Variants in SLA2 observed in about 807,000 individuals in gnomAD.
SLA2 encodes the protein Src like adaptor 2, also known as src-like-adapter 2.
SLA2 carries 22 observed loss-of-function variants against 27.3 expected under a neutral mutation model. That is an observed-to-expected ratio of 0.81 (90% CI 0.58 to 1.15). The LOEUF is 1.15. Among genes scored for constraint, SLA2 ranks in the 50% most tolerant of loss-of-function variants. The pLI is 0.00. For missense variants in SLA2, 304 were observed against 322.2 expected (o/e 0.94, Z 0.43); for synonymous variants, 131 against 137.8 (o/e 0.95, Z 0.34).
intron 2 of SLA2, among the ~76,000 whole-genome samples, chr20:36,639,171 G>A (rs1411129050): frequency 2.0e-5 from 3 of 152,182 alleles, no homozygotes; most frequent in African/African-American, 4.8e-5. Flanking sequence ...TCAGTAGAAC[G>A]AGTAATGCAG....
intron 5 of SLA2, among the ~76,000 whole-genome samples, chr20:36,625,369 C>T (rs1246350978): frequency 6.6e-6 from 1 of 151,962 alleles, no homozygotes; most frequent in East Asian, 1.9e-4. Context: ...ATTATAGGTA[C>T]CTGCCACCAT....
At chr20:36,615,127 T>G in intron 6 of SLA2, 98 bp downstream of exon 6, 1 of 1,566,732 alleles carries the variant, frequency 6.4e-7, no homozygotes, top group Non-Finnish European at 8.6e-7. Context: ...TCTGTCTGTC[T>G]GAATACTCCA....
rs552515145 is a variant in SLA2, at chr20:36,622,301, C to T, written c.383-6927G>A. Among the ~76,000 whole-genome samples the T allele has an allele frequency of 5.3e-5, 8 of 149,890 alleles. No homozygotes were observed. In the East Asian group the frequency reaches 5.9e-4, roughly 11 times the overall value. On this transcript the variant is annotated intron_variant, in intron 5 of 7. Coordinates refer to ENST00000262866, the MANE Select transcript of SLA2 (RefSeq NM_032214.4). ...CTGAGGCAGGAGTATCTCTTGAACC[C>T]GGGAAGCAGAGGTTGTGGTGACTCA...
rs774430071 is a variant in SLA2 at position 36,613,830 on chromosome 20, G to A, written c.*36C>T. ...GAGGCTGAATTGGGGTTCTAGGTGT[G>A]CAGCCTTGGTTTCCCTTTTGGCCTC... On this transcript the variant is annotated 3_prime_UTR_variant, in exon 8 of 8. Transcript: ENST00000262866. The A allele has an allele frequency of 6.5e-6, 10 of 1,536,734 alleles. 1 individual carries two copies. In the Admixed American group the frequency reaches 1.6e-4, roughly 25 times the overall value.
At chr20:36,639,090 C>A (rs1221526353) in intron 2 of SLA2, among the ~76,000 whole-genome samples, 1 of 152,210 alleles carries the variant, frequency 6.6e-6, no homozygotes, top group African/African-American at 2.4e-5. Context: ...AGGTGATCTG[C>A]CCGCCTCGGC....
rs972997175 is a variant in SLA2, at chr20:36,638,933, A to G, written c.91+2312T>C. 2.7e-5 allele frequency among the ~76,000 whole-genome samples: 4 copies of G among 149,540 alleles called. No individual in the cohort carries two copies. The South Asian group carries it at 6.4e-4, about 24-fold the overall frequency. ...GTGATCTCGGCTCACTGCAACCTCT[A>G]CCTCCCAGGTTCAAGTGATTCTCCT... On this transcript the variant is annotated intron_variant, in intron 2 of 7. Transcript: ENST00000262866.
chr20:36,615,611 C>A (rs2039200868), intron 5 of SLA2, among the ~76,000 whole-genome samples: 1 of 152,174 alleles, frequency 6.6e-6, no homozygotes, highest in Non-Finnish European at 1.5e-5. Context: ...GGGTCTGGCA[C>A]TGTGTGAGTG....
In SLA2 at chr20:36,641,379, C is replaced by A. The variant is rs1248852738; in HGVS notation, c.-43-1G>T. 6.5e-7 allele frequency: 1 copy of A among 1,548,754 alleles called. No homozygotes were observed. The highest frequency in any genetic ancestry group is 1.1e-5 in the South Asian group (1 of 89,504). ...TCAGAAGCACATCATCGAGGGAAAT[C>A]TGAAAGAGACACAGTGATGGGGACA... On this transcript the variant is annotated splice_acceptor_variant, in intron 1 of 7. Coordinates refer to ENST00000262866, the MANE Select transcript of SLA2 (RefSeq NM_032214.4). LOFTEE classifies it low-confidence loss of function (5UTR_SPLICE).
chr20:36,628,689 G>A (rs969169266), intron 5 of SLA2, among the ~76,000 whole-genome samples: 3 of 151,840 alleles, frequency 2.0e-5, no homozygotes, highest in African/African-American at 4.8e-5. Flanking sequence ...TAGACAACAC[G>A]CACATGCCAC....
rs1399184646 is a variant in SLA2 at position 36,641,250 on chromosome 20, T to G, written c.86A>C (p.Glu29Ala). ...TCACAGGCCCTGAGGCCTACCTGCTTCCATGGTCACAGGTCCCTGGCCTTG... is the reference window on the plus strand; with the variant it reads ...TCACAGGCCCTGAGGCCTACCTGCTGCCATGGTCACAGGTCCCTGGCCTTG... ...SVQGQGPVTM[E>A]AERSKATAVA... Residue 29 changes from glutamate to alanine, a missense_variant, in exon 2 of 8, where the codon GAA becomes GCA. Transcript: ENST00000262866. 6.2e-7 allele frequency: 1 copy of G among 1,613,614 alleles called. No individual in the cohort carries two copies. Among genetic ancestry groups the G allele is most frequent in the Non-Finnish European group, 8.5e-7 (1 of 1,179,668 alleles).
At chr20:36,638,025 G>A (rs1317116140) in intron 2 of SLA2, among the ~76,000 whole-genome samples, 1 of 151,298 alleles carries the variant, frequency 6.6e-6, no homozygotes, top group African/African-American at 2.4e-5. Flanking sequence ...CCGAGTAGGT[G>A]GGATTACAGG....
chr20:36,634,041 G>A (rs1262645666), intron 3 of SLA2, among the ~76,000 whole-genome samples: 1 of 151,892 alleles, frequency 6.6e-6, no homozygotes, highest in Non-Finnish European at 1.5e-5. Flanking sequence ...AGGCTGGAGT[G>A]CAATGGCGTG....
intron 7 of SLA2, 80 bp from the exon 8 acceptor site, chr20:36,614,066 TCA>T: frequency 6.4e-7 from 1 of 1,573,172 alleles, no homozygotes; most frequent in Admixed American, 1.8e-5. Flanking sequence ...TGCACTGTTC[TCA>T]AAACCCTTCA....
chr20:36,622,072 C>T lies in SLA2; in HGVS notation c.383-6698G>A, dbSNP rs146237904. On this transcript the variant is annotated intron_variant, in intron 5 of 7. Coordinates refer to ENST00000262866, the MANE Select transcript of SLA2 (RefSeq NM_032214.4). ...CGGTGGCTCACACCTGTAATCCCAGCGCTTTGGGAAGCCGAGGCAGGTGGA... is the reference window on the plus strand; with the variant it reads ...CGGTGGCTCACACCTGTAATCCCAGTGCTTTGGGAAGCCGAGGCAGGTGGA... Among the ~76,000 whole-genome samples the T allele has an allele frequency of 3.7e-3, 569 of 152,068 alleles. 4 individuals carry two copies. The highest frequency in any genetic ancestry group is 0.013 in the African/African-American group (537 of 41,464).
intron 1 of SLA2, among the ~76,000 whole-genome samples, chr20:36,645,442 G>A (rs1368172679): frequency 3.3e-5 from 5 of 152,214 alleles, no homozygotes; most frequent in African/African-American, 1.2e-4. Flanking sequence ...TCACCCCTTT[G>A]AGAGTGAGAG....
At chr20:36,644,092 C>G (rs1359270454) in intron 1 of SLA2, among the ~76,000 whole-genome samples, 1 of 152,042 alleles carries the variant, frequency 6.6e-6, no homozygotes, top group African/African-American at 2.4e-5. Flanking sequence ...TCCTGCTCAG[C>G]CTTTTAGGAT....
chr20:36,627,915 C>T (rs1346473983), intron 5 of SLA2, among the ~76,000 whole-genome samples: 1 of 152,204 alleles, frequency 6.6e-6, no homozygotes, highest in Non-Finnish European at 1.5e-5. Context: ...GAATCAGTGC[C>T]TTTGGGCCAA....
Position 36,613,709 on chromosome 20 carries a change from G to C in SLA2, c.*157C>G. On this transcript the variant is annotated 3_prime_UTR_variant, in exon 8 of 8. Transcript: ENST00000262866. ...GAAGTAGGTGACTTCTAAGGGCTAA[G>C]AGAGGAAAGAGCAAGGGTACAGGTG... 1.2e-6 allele frequency: 1 copy of C among 863,178 alleles called. No individual in the cohort carries two copies. The highest frequency in any genetic ancestry group is 2.6e-5 in the East Asian group (1 of 38,052). The allele number at this position is 863,178 out of a possible 1,614,324, so 53.5% of individuals were successfully genotyped here.
chr20:36,614,893 C>G, intron 6 of SLA2: 1 of 985,374 alleles, frequency 1.0e-6, no homozygotes. Context: ...TAAGGAGAGT[C>G]AGGATTGAAT....
Sources: gnomAD v4.1 joint callset for allele counts (sites outside exome capture counted in the v4.1 genomes callset) on GRCh38, gnomAD v4.1.1 for gene constraint, MANE v1.5 for transcripts, NCBI Gene and HGNC (gene_info 2026-07-23, HGNC 2026-07-21) for gene names.